Variants in TAOK1 observed in about 807,000 individuals in gnomAD.
The protein encoded by TAOK1 is serine/threonine-protein kinase TAO1.
In TAOK1, 21 loss-of-function variants were observed where a neutral mutation model predicts 138.3. That is an observed-to-expected ratio of 0.15 (90% CI 0.11 to 0.22). The LOEUF (loss-of-function observed/expected upper bound fraction) is 0.22, where lower values mean the gene tolerates loss of function less well. Among genes scored for constraint, TAOK1 ranks in the 10% least tolerant of loss-of-function variants. TAOK1 has a pLI of 1.00. For missense variants in TAOK1, 651 were observed against 1,227.7 expected (o/e 0.53, Z 7.02); for synonymous variants, 361 against 398.4 (o/e 0.91, Z 1.12).
In TAOK1 at chr17:29,456,724, A is replaced by G. The variant is rs1168485155; in HGVS notation, c.132+5044A>G. The stretch of plus-strand genomic sequence containing the variant: ...ACCTATAATGTTCTCATATAGTTCT[A>G]TTTCTTTTTTTGTTTTGTTTTGTTT... On this transcript the variant is annotated intron_variant, in intron 2 of 19. Coordinates refer to ENST00000261716, the MANE Select transcript of TAOK1 (RefSeq NM_020791.4). 2.7e-5 allele frequency among the ~76,000 whole-genome samples: 4 copies of G among 150,402 alleles called. 1 individual carries two copies. Among genetic ancestry groups the G allele is most frequent in the East Asian group, 1.9e-4 (1 of 5,168 alleles).
chr17:29,513,438 A>C (rs2031759056), intron 15 of TAOK1: 1 of 152,234 alleles, frequency 6.6e-6, no homozygotes, highest in Non-Finnish European at 1.5e-5. Flanking sequence ...TTTGTTTTCC[A>C]GTGAAATCAG....
intron 2 of TAOK1, among the ~76,000 whole-genome samples, chr17:29,462,397 G>A (rs1355800462): frequency 6.6e-6 from 1 of 152,138 alleles, no homozygotes; most frequent in Non-Finnish European, 1.5e-5. Flanking sequence ...CAGTAGATGG[G>A]TCACACAATA....
chr17:29,502,907 A>C (rs1163807071), intron 13 of TAOK1, among the ~76,000 whole-genome samples, 184 bp downstream of exon 13: 2 of 152,232 alleles, frequency 1.3e-5, no homozygotes, highest in Admixed American at 6.5e-5. Flanking sequence ...TTAAACTAAC[A>C]ATGTCTTCAT....
At chr17:29,420,319 C>T (rs1438522251) in intron 1 of TAOK1, among the ~76,000 whole-genome samples, 2 of 152,078 alleles carry the variant, frequency 1.3e-5, no homozygotes, top group Non-Finnish European at 2.9e-5. Flanking sequence ...CAAGAATGAG[C>T]CACAGTGCCG....
intron 9 of TAOK1, among the ~76,000 whole-genome samples, chr17:29,491,146 A>C (rs2031288067): frequency 6.6e-6 from 1 of 152,218 alleles, no homozygotes; most frequent in Non-Finnish European, 1.5e-5. Context: ...CAAGGAACTT[A>C]AAATCTTATT....
At chr17:29,446,894 A>G (rs560736224) in intron 1 of TAOK1, among the ~76,000 whole-genome samples, 6 of 151,548 alleles carry the variant, frequency 4.0e-5, no homozygotes, top group Admixed American at 2.6e-4. Context: ...GTGCACCACT[A>G]TGTCCATCTA....
At chr17:29,426,203 G>C (rs1408645205) in intron 1 of TAOK1, among the ~76,000 whole-genome samples, 1 of 152,148 alleles carries the variant, frequency 6.6e-6, no homozygotes, top group African/African-American at 2.4e-5. Flanking sequence ...TTTGATTCAT[G>C]GTTACATTGA....
At chr17:29,451,431 C>CTTTTTTTT in intron 1 of TAOK1, 24 bp from the exon 2 acceptor site, 4 of 1,296,014 alleles carry the variant, frequency 3.1e-6, no homozygotes, top group Non-Finnish European at 3.1e-6. Flanking sequence ...CCTTTTCTGA[C>CTTTTTTTT]TTTTTTTTTC....
intron 13 of TAOK1, 30 bp downstream of exon 13, chr17:29,502,753 A>G (rs747877332): frequency 1.9e-5 from 30 of 1,596,602 alleles, no homozygotes; most frequent in Non-Finnish European, 2.5e-5. Flanking sequence ...AGAGATAAAT[A>G]TATTTTTCAT....
At chr17:29,509,188 G>A (rs2031675838) in intron 14 of TAOK1, among the ~76,000 whole-genome samples, 1 of 150,544 alleles carries the variant, frequency 6.6e-6, no homozygotes, top group Non-Finnish European at 1.5e-5. Context: ...ATTATTTTTT[G>A]AGACAGAATC....
Position 29,395,824 on chromosome 17 carries a change from ATTTTTTTT to A in TAOK1, c.-95+4817_-95+4824del, listed in dbSNP as rs1187461666. Among the ~76,000 whole-genome samples the A allele has an allele frequency of 1.5e-4, 11 of 72,102 alleles. No individual in the cohort carries two copies. The East Asian group carries it at 2.2e-3, about 15-fold the overall frequency. 47.3% of individuals were successfully genotyped at this position (72,102 alleles called of 152,430 possible). On this transcript the variant is annotated intron_variant, in intron 1 of 19. Coordinates refer to ENST00000261716, the MANE Select transcript of TAOK1 (RefSeq NM_020791.4). ...AGGTACATGCCACCACGTCTGGCTA[ATTTTTTTT>A]TTTTTTTTTTTTTTTTGTAGAGATG...
intron 1 of TAOK1, among the ~76,000 whole-genome samples, chr17:29,398,613 T>C (rs1598463479): frequency 6.7e-6 from 1 of 149,932 alleles, no homozygotes; most frequent in East Asian, 2.0e-4. Flanking sequence ...AACTGCAACC[T>C]CAGCCTCCCA....
chr17:29,394,229 G>C (rs1446669614), intron 1 of TAOK1, among the ~76,000 whole-genome samples: 3 of 124,558 alleles, frequency 2.4e-5, no homozygotes, highest in Non-Finnish European at 4.7e-5. Flanking sequence ...GCAGTGGCAC[G>C]ATCTCGGCTC....
chr17:29,495,708 AAGC>A lies in TAOK1; in HGVS notation c.982_984del (p.Ala328del), dbSNP rs748756440. The A allele has an allele frequency of 1.3e-4, 208 of 1,604,040 alleles. No individual in the cohort carries two copies. The highest frequency in any genetic ancestry group is 1.7e-4 in the Middle Eastern group (1 of 6,030). Reference sequence around the variant, plus strand: ...GAGGCACATAATGGACCAGCAGTAGAAGCACAGGAAGAAGAAGAGGTAAGAGAT... The same window carrying A: ...GAGGCACATAATGGACCAGCAGTAGAACAGGAAGAAGAAGAGGTAAGAGAT... On this transcript the variant is annotated inframe_deletion, in exon 11 of 20. Transcript: ENST00000261716.
At chr17:29,526,812 C>A (rs535590347) in intron 17 of TAOK1, among the ~76,000 whole-genome samples, 2 of 92,232 alleles carry the variant, frequency 2.2e-5, no homozygotes, top group African/African-American at 7.8e-5. Context: ...AGGGAGATCT[C>A]ATCTCTTAAA....
At chr17:29,510,828 T>TA in intron 14 of TAOK1, 36 bp from the exon 15 acceptor site, 1 of 1,491,134 alleles carries the variant, frequency 6.7e-7, no homozygotes, top group Non-Finnish European at 9.0e-7. Context: ...TTTATCTACT[T>TA]AACTAAATTT....
At chr17:29,458,210 C>A (rs1441301963) in intron 2 of TAOK1, among the ~76,000 whole-genome samples, 1 of 152,026 alleles carries the variant, frequency 6.6e-6, no homozygotes, top group East Asian at 1.9e-4. Context: ...CGGTTTCTGG[C>A]TATTATGAAT....
chr17:29,409,886 T>G (rs11651087), intron 1 of TAOK1, among the ~76,000 whole-genome samples: 22,981 of 152,116 alleles, frequency 0.15, 2,025 homozygotes, highest in Middle Eastern at 0.22. Flanking sequence ...ATTGTGCAGA[T>G]GATATATTTG....
In TAOK1 at chr17:29,489,734, C is replaced by G. The variant is rs751255688; in HGVS notation, c.726C>G (p.Ser242=). ...SALYHIAQNE[S]PTLQSNEWSD... ...TATATCACATAGCCCAAAATGAATCCCCTACACTACAGTCTAATGAATGGT... is the reference window on the plus strand; with the variant it reads ...TATATCACATAGCCCAAAATGAATCGCCTACACTACAGTCTAATGAATGGT... The change falls in exon 9 of 20, where the codon TCC becomes TCG. Residue 242 remains serine (S), a synonymous_variant. Transcript: ENST00000261716. 4.4e-6 allele frequency: 7 copies of G among 1,607,924 alleles called. No homozygotes were observed. The highest frequency in any genetic ancestry group is 5.9e-6 in the Non-Finnish European group (7 of 1,176,566).
Sources: allele counts gnomAD v4.1 joint callset (sites outside exome capture counted in the v4.1 genomes callset), GRCh38; gene constraint gnomAD v4.1.1; transcripts MANE v1.5; gene names NCBI Gene and HGNC (gene_info 2026-07-23, HGNC 2026-07-21).